GALNT17: variants seen among roughly 807,000 people sequenced by gnomAD.
GALNT17 encodes the protein polypeptide N-acetylgalactosaminyltransferase 17.
GALNT17 carries 29 observed loss-of-function variants against 63.7 expected under a neutral mutation model. That is an observed-to-expected ratio of 0.46 (90% CI 0.34 to 0.62). The LOEUF (loss-of-function observed/expected upper bound fraction) is 0.62. Among genes scored for constraint, GALNT17 ranks in the 20% least tolerant of loss-of-function variants. The pLI, the probability that GALNT17 is intolerant of heterozygous loss-of-function variation, is 0.01. For missense variants in GALNT17, 603 were observed against 799.6 expected, an observed-to-expected ratio of 0.75 and a Z score of 2.97; for synonymous variants, 305 against 318.3, an observed-to-expected ratio of 0.96 and a Z score of 0.45.
intron 6 of GALNT17, among the ~76,000 whole-genome samples, chr7:71,616,415 C>G (rs1389739142): frequency 6.7e-6 from 1 of 150,122 alleles, no homozygotes; most frequent in Non-Finnish European, 1.5e-5. Context: ...GTGCTTCTCT[C>G]CTGGAAATAT....
At chr7:71,409,669 G>C (rs1793396469) in intron 3 of GALNT17, among the ~76,000 whole-genome samples, 1 of 152,206 alleles carries the variant, frequency 6.6e-6, no homozygotes. Context: ...ATTGGTTCTG[G>C]AAGCAGGTGG....
chr7:71,370,868 A>G (rs1315052331), intron 2 of GALNT17, among the ~76,000 whole-genome samples: 1 of 152,098 alleles, frequency 6.6e-6, no homozygotes, highest in Non-Finnish European at 1.5e-5. Flanking sequence ...AGCCTCCCAA[A>G]GTGCTGAGAT....
Position 71,619,168 on chromosome 7 carries a change from A to C in GALNT17, c.1081-46243A>C, listed in dbSNP as rs370620208. Among the ~76,000 whole-genome samples, 17 of 152,254 alleles carry C rather than the reference A, an allele frequency of 1.1e-4. No homozygotes were observed. In the East Asian group the frequency reaches 2.1e-3, roughly 19 times the overall value. ...TTTTCTGTTCTGCTCATTGGCCTAT[A>C]GTACCAAGCTGGTTTGACTACTGTG... On this transcript the variant is annotated intron_variant, in intron 6 of 10. Coordinates refer to ENST00000333538, the MANE Select transcript of GALNT17 (RefSeq NM_022479.3).
At chr7:71,481,262 C>T (rs1416856019) in intron 5 of GALNT17, among the ~76,000 whole-genome samples, 10 of 152,108 alleles carry the variant, frequency 6.6e-5, no homozygotes, top group Admixed American at 6.5e-4. Flanking sequence ...GCCTGGCCAA[C>T]ATGGTGAAAC....
intron 1 of GALNT17, among the ~76,000 whole-genome samples, chr7:71,168,367 T>A (rs986803999): frequency 6.6e-6 from 1 of 152,044 alleles, no homozygotes; most frequent in African/African-American, 2.4e-5. Context: ...AGGTCAGGAT[T>A]TCAAGACCAG....
Position 71,571,366 on chromosome 7 carries a change from T to A in GALNT17, c.1044T>A (p.Asp348Glu), listed in dbSNP as rs1789440178. The part of the protein sequence containing the change: ...GEIGLLDPGM[D>E]VYGGENIELG... Reference sequence around the variant, plus strand: ...TTGGTCTTCTGGATCCTGGCATGGATGTATACGGAGGAGAAAATATTGAAC... The same window carrying A: ...TTGGTCTTCTGGATCCTGGCATGGAAGTATACGGAGGAGAAAATATTGAAC... The change falls in exon 6 of 11, where the codon GAT (aspartate) becomes GAA (glutamate). Residue 348 changes from aspartate to glutamate, a missense_variant. Around this residue, in one of 3 missense-constraint regions of GALNT17, gnomAD observed 336 missense variants for 507.8 expected, o/e 0.66. Transcript: ENST00000333538. The A allele has an allele frequency of 6.2e-7, 1 of 1,613,936 alleles. No individual in the cohort carries two copies. Among genetic ancestry groups the A allele is most frequent in the African/African-American group, 1.3e-5 (1 of 74,922 alleles).
chr7:71,452,488 A>G (rs909205230), intron 5 of GALNT17, among the ~76,000 whole-genome samples: 1 of 151,846 alleles, frequency 6.6e-6, no homozygotes, highest in African/African-American at 2.4e-5. Flanking sequence ...CGGAGGTTGC[A>G]GTGAGTCAAG....
chr7:71,516,937 C>A (rs1338663106), intron 5 of GALNT17, among the ~76,000 whole-genome samples: 3 of 152,174 alleles, frequency 2.0e-5, no homozygotes, highest in Non-Finnish European at 4.4e-5. Flanking sequence ...GCACACAACA[C>A]CCTCAGTGGA....
chr7:71,487,933 T>C (rs2116663223), intron 5 of GALNT17, among the ~76,000 whole-genome samples: 1 of 152,046 alleles, frequency 6.6e-6, no homozygotes, highest in African/African-American at 2.4e-5. Flanking sequence ...TTCAGGAGGC[T>C]GGGGCAGGAG....
At chr7:71,503,805 G>A (rs926755799) in intron 5 of GALNT17, among the ~76,000 whole-genome samples, 4 of 152,054 alleles carry the variant, frequency 2.6e-5, no homozygotes, top group African/African-American at 4.8e-5. Context: ...ACATAAATAC[G>A]TTAATAAGGG....
intron 9 of GALNT17, among the ~76,000 whole-genome samples, chr7:71,687,992 C>T (rs1791387431): frequency 6.6e-6 from 1 of 152,156 alleles, no homozygotes; most frequent in South Asian, 2.1e-4. Flanking sequence ...GCCACTGCAC[C>T]TGACCCAGAT....
intron 5 of GALNT17, among the ~76,000 whole-genome samples, chr7:71,538,058 A>G (rs911298556): frequency 2.6e-5 from 4 of 152,146 alleles, no homozygotes; most frequent in African/African-American, 9.7e-5. Flanking sequence ...TGCATTTCAG[A>G]TATAAGCCAT....
intron 1 of GALNT17, among the ~76,000 whole-genome samples, chr7:71,144,019 T>C (rs1233862857): frequency 6.6e-6 from 1 of 152,160 alleles, no homozygotes; most frequent in Non-Finnish European, 1.5e-5. Context: ...TTGCTCCCTC[T>C]GTGACTCCAC....
chr7:71,343,768 C>G (rs939532170), intron 2 of GALNT17, among the ~76,000 whole-genome samples: 4 of 152,084 alleles, frequency 2.6e-5, no homozygotes, highest in African/African-American at 9.7e-5. Context: ...AAAGATCTGT[C>G]CCTCTTTTTA....
At chr7:71,488,363 C>A (rs1787948138) in intron 5 of GALNT17, among the ~76,000 whole-genome samples, 1 of 151,944 alleles carries the variant, frequency 6.6e-6, no homozygotes, top group African/African-American at 2.4e-5. Flanking sequence ...GTAGTCCTTC[C>A]AGTCTTTGCT....
intron 2 of GALNT17, among the ~76,000 whole-genome samples, chr7:71,380,527 G>A (rs574486650): frequency 2.0e-5 from 3 of 151,886 alleles, no homozygotes; most frequent in Non-Finnish European, 2.9e-5. Flanking sequence ...TTGCTTTGTC[G>A]CCCAGGCTGG....
chr7:71,278,043 T>A (rs529805776), intron 1 of GALNT17, among the ~76,000 whole-genome samples: 1 of 152,304 alleles, frequency 6.6e-6, no homozygotes, highest in East Asian at 1.9e-4. Context: ...AGCTAGGCAG[T>A]TCAGCTTAGC....
intron 5 of GALNT17, among the ~76,000 whole-genome samples, chr7:71,531,224 T>C (rs1254507861): frequency 6.6e-6 from 1 of 152,122 alleles, no homozygotes; most frequent in Non-Finnish European, 1.5e-5. Flanking sequence ...TCACCTCCAT[T>C]ATGCATCAAT....
At chr7:71,265,118 ATTTTTTTTTTTTT>A (rs60738546) in intron 1 of GALNT17, among the ~76,000 whole-genome samples, 1,738 of 37,486 alleles carry the variant, frequency 0.046, 121 homozygotes, top group Middle Eastern at 0.087. Flanking sequence ...ATATATATAT[ATTTTTTTTTTTTT>A]TTTTTTTTTT....
Sources: gnomAD v4.1 joint callset for allele counts (sites outside exome capture counted in the v4.1 genomes callset) on GRCh38, gnomAD v4.1.1 for gene constraint, gnomAD v4.1.1 regional missense constraint, MANE v1.5 for transcripts, NCBI Gene and HGNC (gene_info 2026-07-23, HGNC 2026-07-21) for gene names.